Variants in USP34 observed in about 807,000 individuals in gnomAD.
USP34 encodes the protein ubiquitin carboxyl-terminal hydrolase 34.
A neutral mutation model predicts 460.3 loss-of-function variants in USP34; 70 were observed. The ratio of observed to expected loss-of-function variants is 0.15; its 90% CI spans 0.13 to 0.19. USP34 has a LOEUF of 0.19. USP34 is among the 10% of genes least tolerant of loss of function. The pLI, the probability that USP34 is intolerant of heterozygous loss-of-function variation, is 1.00. For synonymous variants in USP34, 1,647 were observed against 1,405.3 expected, an observed-to-expected ratio of 1.17 and a Z score of -3.85; for missense variants, 3,985 against 4,236.2, an observed-to-expected ratio of 0.94 and a Z score of 1.65.
At chr2:61,328,065 GGCGGAGGCGGGTGGATC>G (rs1250316629) in intron 20 of USP34, among the ~76,000 whole-genome samples, 4 of 152,160 alleles carry the variant, frequency 2.6e-5, no homozygotes, top group Admixed American at 6.5e-5. Context: ...GGGAGGCGGA[GGCGGAGGCGGGTGGATC>G]GCCTGAGGTC....
At chr2:61,350,498 T>G in intron 11 of USP34, 70 bp downstream of exon 11, 3 of 1,561,606 alleles carry the variant, frequency 1.9e-6, no homozygotes, top group Non-Finnish European at 2.6e-6. Flanking sequence ...GAAAGTTAAA[T>G]TATCTGAATC....
chr2:61,391,771 C>T (rs751245635), intron 5 of USP34, among the ~76,000 whole-genome samples: 3 of 152,060 alleles, frequency 2.0e-5, no homozygotes, highest in Non-Finnish European at 4.4e-5. Flanking sequence ...AGCTTGATTA[C>T]AAAAAGAACT....
chr2:61,401,458 A>T (rs1693716157), intron 3 of USP34, among the ~76,000 whole-genome samples: 1 of 150,944 alleles, frequency 6.6e-6, no homozygotes, highest in Admixed American at 6.6e-5. Context: ...GCCTAGACTT[A>T]AACTCCTGGC....
At chr2:61,349,227 T>C in intron 13 of USP34, 23 bp downstream of exon 13, 1 of 1,606,696 alleles carries the variant, frequency 6.2e-7, no homozygotes, top group Non-Finnish European at 8.5e-7. Flanking sequence ...CATGTTGCCA[T>C]GAATTTCTAA....
chr2:61,269,643 A>G (rs1689155055), intron 41 of USP34, among the ~76,000 whole-genome samples: 1 of 152,138 alleles, frequency 6.6e-6, no homozygotes, highest in African/African-American at 2.4e-5. Context: ...GTTTTTCAAG[A>G]TTAAGAAATA....
chr2:61,463,067 T>C (rs1250380961), intron 1 of USP34, among the ~76,000 whole-genome samples: 3 of 152,172 alleles, frequency 2.0e-5, no homozygotes, highest in Non-Finnish European at 4.4e-5. Flanking sequence ...AGATTAAATG[T>C]CTACTGAAAA....
intron 5 of USP34, among the ~76,000 whole-genome samples, chr2:61,384,246 C>T (rs1693066468): frequency 2.6e-5 from 4 of 152,218 alleles, no homozygotes; most frequent in Admixed American, 6.5e-5. Context: ...AATATTTTAA[C>T]ATTTATAAAT....
chr2:61,246,599 A>C, intron 49 of USP34, 122 bp from the exon 50 acceptor site: 1 of 707,610 alleles, frequency 1.4e-6, no homozygotes, highest in African/African-American at 1.8e-5. Context: ...AAATAAAAAT[A>C]ATTTTCCCAA....
At position 61,263,340 on chromosome 2, in the gene USP34, T is replaced by C. The variant is rs1203456298; in HGVS notation, c.5778+2057A>G. On this transcript the variant is annotated intron_variant, in intron 43 of 79. Coordinates refer to ENST00000398571, the MANE Select transcript of USP34 (RefSeq NM_014709.4). The stretch of plus-strand genomic sequence containing the variant: ...GGATTAAGTCACCTGCCATCATGCC[T>C]GGCTAATTTTCATATTTTTTAGAGG... Among the ~76,000 whole-genome samples, 3 of 151,404 alleles carry C rather than the reference T, an allele frequency of 2.0e-5. No individual in the cohort carries two copies. The East Asian group carries it at 5.8e-4, about 29-fold the overall frequency.
At chr2:61,374,551 G>A (rs757411052) in intron 8 of USP34, among the ~76,000 whole-genome samples, 3 of 151,886 alleles carry the variant, frequency 2.0e-5, no homozygotes, top group Non-Finnish European at 4.4e-5. Context: ...TCTTGCTTCA[G>A]AGCTCATACA....
chr2:61,240,810 G>A (rs1167777105), intron 53 of USP34, among the ~76,000 whole-genome samples: 2 of 151,952 alleles, frequency 1.3e-5, no homozygotes, highest in South Asian at 2.1e-4. Context: ...CTGGCCTCAC[G>A]TGATCCACCT....
At chr2:61,251,623 T>G (rs760142907) in intron 48 of USP34, among the ~76,000 whole-genome samples, 3 of 152,256 alleles carry the variant, frequency 2.0e-5, no homozygotes, top group Non-Finnish European at 4.4e-5. Flanking sequence ...TTACTCTTCA[T>G]CACTCTGCAT....
chr2:61,358,815 C>T (rs911143106), intron 10 of USP34, among the ~76,000 whole-genome samples: 3 of 152,104 alleles, frequency 2.0e-5, no homozygotes, highest in African/African-American at 4.8e-5. Context: ...TATTTCTATA[C>T]ACTAGAAATG....
At chr2:61,352,222 T>TACTA (rs1227786987) in intron 10 of USP34, among the ~76,000 whole-genome samples, 1 of 152,168 alleles carries the variant, frequency 6.6e-6, no homozygotes, top group Non-Finnish European at 1.5e-5. Flanking sequence ...TCTCAATTTG[T>TACTA]ACTAACAGTT....
chr2:61,227,037 T>G, intron 62 of USP34, 30 bp downstream of exon 62: 1 of 1,573,696 alleles, frequency 6.4e-7, no homozygotes, highest in Non-Finnish European at 8.6e-7. Context: ...CCAAACATGC[T>G]TTAAACATTT....
intron 1 of USP34, among the ~76,000 whole-genome samples, chr2:61,444,554 A>T (rs1412382934): frequency 2.0e-5 from 3 of 152,228 alleles, no homozygotes; most frequent in Non-Finnish European, 4.4e-5. Context: ...AAAAACTCAC[A>T]TTCAAGAAGC....
chr2:61,307,232 G>GC (rs1252469074), intron 27 of USP34, among the ~76,000 whole-genome samples: 1 of 147,926 alleles, frequency 6.8e-6, no homozygotes, highest in Non-Finnish European at 1.5e-5. Flanking sequence ...TCCAAACACC[G>GC]CATGTTCTCA....
In USP34 at chr2:61,340,759, G is replaced by C. The variant is rs963906771; in HGVS notation, c.2501-1078C>G. On this transcript the variant is annotated intron_variant, in intron 16 of 79. Transcript: ENST00000398571. Reference sequence around the variant, plus strand: ...AGTAATTTGCCACTCTTTTAATTGGGTTGTCTTACTATTGAGTTATGAAAT... The same window carrying C: ...AGTAATTTGCCACTCTTTTAATTGGCTTGTCTTACTATTGAGTTATGAAAT... Among the ~76,000 whole-genome samples, 10 of 151,374 alleles carry C rather than the reference G, an allele frequency of 6.6e-5. No individual in the cohort carries two copies. In the East Asian group the frequency reaches 1.9e-3, roughly 29 times the overall value.
intron 49 of USP34, among the ~76,000 whole-genome samples, chr2:61,248,068 T>C (rs1354206193): frequency 6.6e-6 from 1 of 151,238 alleles, no homozygotes; most frequent in Non-Finnish European, 1.5e-5. Context: ...GTGCCTATGG[T>C]CCCAGCTTCT....
Sources: allele counts gnomAD v4.1 joint callset (sites outside exome capture counted in the v4.1 genomes callset), GRCh38; gene constraint gnomAD v4.1.1; transcripts MANE v1.5; gene names NCBI Gene and HGNC (gene_info 2026-07-23, HGNC 2026-07-21).